The following LCP2 variants were observed in gnomAD, a reference collection of about 807,000 sequenced individuals.
LCP2 encodes lymphocyte cytosolic protein 2.
In LCP2, 29 loss-of-function variants were observed where a neutral mutation model predicts 74.5. The observed-to-expected ratio is 0.39, with a 90% CI of 0.29 to 0.53. The LOEUF is 0.53. Among genes scored for constraint, LCP2 ranks in the 20% least tolerant of loss-of-function variants. The pLI, the probability that LCP2 is intolerant of heterozygous loss-of-function variation, is 0.72. For missense variants in LCP2, 604 were observed against 634.6 expected (o/e 0.95, Z 0.52); for synonymous variants, 228 against 229.5 (o/e 0.99, Z 0.06).
At chr5:170,265,972 T>G (rs1032977846) in intron 10 of LCP2, among the ~76,000 whole-genome samples, 1 of 152,120 alleles carries the variant, frequency 6.6e-6, no homozygotes, top group African/African-American at 2.4e-5. Flanking sequence ...GTGTTCGAAT[T>G]TAGGCAAATT....
At chr5:170,263,679 T>G (rs1222583371) in intron 10 of LCP2, among the ~76,000 whole-genome samples, 2 of 152,238 alleles carry the variant, frequency 1.3e-5, no homozygotes, top group African/African-American at 4.8e-5. Context: ...TTGTATTCTA[T>G]CTAAAGTCCC....
intron 11 of LCP2, 52 bp downstream of exon 11, chr5:170,262,915 G>A: frequency 6.2e-7 from 1 of 1,613,982 alleles, no homozygotes; most frequent in Non-Finnish European, 8.5e-7. Context: ...CAAAGAATAA[G>A]GACAAGATGT....
At chr5:170,295,678 A>C (rs899892758) in intron 1 of LCP2, among the ~76,000 whole-genome samples, 1 of 152,118 alleles carries the variant, frequency 6.6e-6, no homozygotes, top group Admixed American at 6.6e-5. Context: ...TTCCCAAATG[A>C]CTCTGCGGTC....
intron 10 of LCP2, among the ~76,000 whole-genome samples, chr5:170,265,496 A>G (rs1456003433): frequency 2.0e-5 from 3 of 152,230 alleles, no homozygotes; most frequent in Non-Finnish European, 1.5e-5. Flanking sequence ...TTGTGTCAGG[A>G]GGTGATTGCG....
At chr5:170,252,242 A>C (rs1416592767) in intron 19 of LCP2, 192 bp downstream of exon 19, 1 of 400,374 alleles carries the variant, frequency 2.5e-6, no homozygotes, top group Non-Finnish European at 4.5e-6. Flanking sequence ...CAGCCTAATG[A>C]TTCCCGAGCC....
intron 16 of LCP2, among the ~76,000 whole-genome samples, chr5:170,257,672 C>T (rs535734273): frequency 2.0e-5 from 3 of 152,110 alleles, no homozygotes; most frequent in African/African-American, 7.2e-5. Context: ...TCTCAGTCTC[C>T]CCAACTAAGA....
At chr5:170,294,851 C>A (rs1393938425) in intron 1 of LCP2, among the ~76,000 whole-genome samples, 1 of 152,210 alleles carries the variant, frequency 6.6e-6, no homozygotes, top group Admixed American at 6.5e-5. Flanking sequence ...TTGAAGAGTG[C>A]TAACTTTGTG....
chr5:170,290,168 G>C (rs1002809398), intron 2 of LCP2, among the ~76,000 whole-genome samples: 6 of 152,168 alleles, frequency 3.9e-5, no homozygotes, highest in African/African-American at 1.2e-4. Context: ...TGGGTTATTT[G>C]CATGATGATT....
intron 10 of LCP2, among the ~76,000 whole-genome samples, chr5:170,266,433 C>T (rs987043111): frequency 4.6e-5 from 7 of 152,248 alleles, no homozygotes; most frequent in African/African-American, 1.7e-4. Context: ...GCTCCCCCAA[C>T]CCTTTTGTCT....
chr5:170,277,109 G>A (rs897611143), intron 3 of LCP2, among the ~76,000 whole-genome samples: 2 of 143,770 alleles, frequency 1.4e-5, no homozygotes, highest in East Asian at 4.2e-4. Context: ...GGAGTAGCTT[G>A]AAGCCACATA....
In LCP2 at chr5:170,297,715, T is replaced by C; in HGVS notation, c.-104A>G. The C allele has an allele frequency of 2.2e-6, 2 of 913,604 alleles. No homozygotes were observed. The highest frequency in any genetic ancestry group is 3.3e-6 in the Non-Finnish European group (2 of 599,156). The allele number at this position is 913,604 out of a possible 1,614,324, so 56.6% of individuals were successfully genotyped here. On this transcript the variant is annotated 5_prime_UTR_variant, in exon 1 of 21. Coordinates refer to ENST00000046794, the MANE Select transcript of LCP2 (RefSeq NM_005565.5). ...CGGAGGCGTTCTTGGCTCTTCCAAC[T>C]CCCAGCTACCCTGTGGAACACCCCT...
At chr5:170,266,204 C>T (rs767650483) in intron 10 of LCP2, among the ~76,000 whole-genome samples, 5 of 152,094 alleles carry the variant, frequency 3.3e-5, no homozygotes, top group Admixed American at 1.3e-4. Flanking sequence ...GAATATTCTG[C>T]GTAAATTGTG....
chr5:170,270,877 C>T lies in LCP2; in HGVS notation c.365G>A (p.Gly122Glu). The change falls in exon 7 of 21, where the codon GGG becomes GAG. Residue 122 changes from glycine to glutamate, a missense_variant. By Grantham distance (98) the Gly-to-Glu change is moderately conservative. Coordinates refer to ENST00000046794, the MANE Select transcript of LCP2 (RefSeq NM_005565.5). ...DYESPNDDQD[G>E]EDDGDYESPN... ...GGACTCATAGTCTCCATCATCCTCC[C>T]CATCCTGGTCATCATTGGGACTTTC... 2.5e-6 allele frequency: 4 copies of T among 1,612,988 alleles called. No homozygotes were observed. Among genetic ancestry groups the T allele is most frequent in the Non-Finnish European group, 2.5e-6 (3 of 1,179,462 alleles).
intron 2 of LCP2, among the ~76,000 whole-genome samples, chr5:170,288,400 C>A (rs563367955): frequency 2.0e-5 from 3 of 152,212 alleles, no homozygotes; most frequent in Middle Eastern, 3.2e-3. Flanking sequence ...AGACCTCAGG[C>A]CCTCTCAGTC....
At chr5:170,259,411 G>T (rs978864445) in intron 14 of LCP2, among the ~76,000 whole-genome samples, 2 of 152,156 alleles carry the variant, frequency 1.3e-5, no homozygotes, top group East Asian at 3.9e-4. Flanking sequence ...ATATTTATAC[G>T]GTGGCTTACA....
chr5:170,263,959 C>T (rs984702399), intron 10 of LCP2, among the ~76,000 whole-genome samples: 3 of 152,102 alleles, frequency 2.0e-5, no homozygotes, highest in African/African-American at 7.2e-5. Flanking sequence ...AAAACAGAGT[C>T]GAGAAGCCAG....
At chr5:170,251,136 G>A (rs1015349513) in intron 19 of LCP2, 34 of 397,822 alleles carry the variant, frequency 8.5e-5, no homozygotes, top group South Asian at 6.3e-4. Flanking sequence ...AGTCAATCTC[G>A]TTAAAGCCTC....
intron 10 of LCP2, among the ~76,000 whole-genome samples, chr5:170,263,978 G>C (rs898089990): frequency 6.6e-6 from 1 of 152,146 alleles, no homozygotes; most frequent in Non-Finnish European, 1.5e-5. Context: ...AGAGGGAAAA[G>C]CACTCAGGAC....
chr5:170,291,762 G>A (rs1271412755), intron 2 of LCP2, among the ~76,000 whole-genome samples: 1 of 152,190 alleles, frequency 6.6e-6, no homozygotes, highest in Non-Finnish European at 1.5e-5. Context: ...AGGCAACAGG[G>A]CGTCGTAGGC....
Sources: gnomAD v4.1 joint callset for allele counts (sites outside exome capture counted in the v4.1 genomes callset) on GRCh38, gnomAD v4.1.1 for gene constraint, MANE v1.5 for transcripts, NCBI Gene and HGNC (gene_info 2026-07-23, HGNC 2026-07-21) for gene names.